Variants in PLCE1 observed in about 807,000 individuals in gnomAD.
PLCE1 encodes the protein 1-phosphatidylinositol 4,5-bisphosphate phosphodiesterase epsilon-1.
PLCE1 carries 119 observed loss-of-function variants against 242.8 expected under a neutral mutation model. That is an observed-to-expected ratio of 0.49 (90% CI 0.42 to 0.57). The LOEUF (loss-of-function observed/expected upper bound fraction) is 0.57. Ranked by LOEUF, PLCE1 falls within the 20% of genes least tolerant of loss-of-function variation. The pLI, the probability that PLCE1 is intolerant of heterozygous loss-of-function variation, is 0.00. For missense variants in PLCE1, 2,441 were observed against 2,788.8 expected, an observed-to-expected ratio of 0.88 and a Z score of 2.81; for synonymous variants, 945 against 1,017.4, an observed-to-expected ratio of 0.93 and a Z score of 1.35.
At chr10:94,052,427 A>G (rs2043791519) in intron 2 of PLCE1, among the ~76,000 whole-genome samples, 1 of 152,236 alleles carries the variant, frequency 6.6e-6, no homozygotes, top group South Asian at 2.1e-4. Context: ...GTGTCCTCGC[A>G]GTAGATAAAT....
chr10:94,155,968 G>A (rs982655009), intron 3 of PLCE1, among the ~76,000 whole-genome samples: 8 of 151,824 alleles, frequency 5.3e-5, no homozygotes, highest in African/African-American at 1.7e-4. Flanking sequence ...TAAATGTTAC[G>A]GTATGTGAAT....
At position 94,254,912 on chromosome 10, in the gene PLCE1, C is replaced by T; in HGVS notation, c.3417C>T (p.Asn1139=). 1 of 1,614,132 alleles carries T rather than the reference C, an allele frequency of 6.2e-7. No individual in the cohort carries two copies. Among genetic ancestry groups the T allele is most frequent in the Non-Finnish European group, 8.5e-7 (1 of 1,179,978 alleles). The change falls in exon 11 of 33, where the codon AAC becomes AAT. Residue 1139 remains asparagine (N), a synonymous_variant. Transcript: ENST00000371380. ...QEESEVNAIA[N]PPNPLPSRRA... ...TCACAGAGGTGAATGCCATCGCTAA[C>T]CCTCCAAACCCCCTCCCTTCCAGAA...
intron 2 of PLCE1, among the ~76,000 whole-genome samples, chr10:94,040,476 G>A (rs771969271): frequency 6.6e-6 from 1 of 152,182 alleles, no homozygotes; most frequent in Non-Finnish European, 1.5e-5. Flanking sequence ...TGATGGTTGA[G>A]GAAGAGGTCG....
intron 1 of PLCE1, among the ~76,000 whole-genome samples, chr10:94,018,975 A>C (rs1420021499): frequency 2.6e-5 from 4 of 152,192 alleles, no homozygotes; most frequent in Non-Finnish European, 4.4e-5. Context: ...AAAGAAATAG[A>C]CATAGTCCTA....
chr10:94,060,728 T>C (rs2044030464), intron 2 of PLCE1, among the ~76,000 whole-genome samples: 1 of 151,258 alleles, frequency 6.6e-6, no homozygotes, highest in African/African-American at 2.4e-5. Flanking sequence ...AGTCTCACTC[T>C]GTCACTCAGG....
In PLCE1 at chr10:94,331,298, A is replaced by G. The variant is rs900451312; in HGVS notation, c.*3355A>G. The G allele has an allele frequency of 3.9e-5, 6 of 152,270 alleles. No homozygotes were observed. Among genetic ancestry groups the G allele is most frequent in the Middle Eastern group, 3.4e-3 (1 of 294 alleles). 9.4% of individuals were successfully genotyped at this position (152,270 alleles called of 1,614,324 possible). ...TTAATGAAAGTGGGCCCTCTATGATATGTATCAATTTACCTTTTGCTAACT... is the reference window on the plus strand; with the variant it reads ...TTAATGAAAGTGGGCCCTCTATGATGTGTATCAATTTACCTTTTGCTAACT... On this transcript the variant is annotated 3_prime_UTR_variant, in exon 33 of 33. Coordinates refer to ENST00000371380, the MANE Select transcript of PLCE1 (RefSeq NM_016341.4).
chr10:94,186,716 A>G (rs1232547765), intron 4 of PLCE1, among the ~76,000 whole-genome samples: 1 of 152,220 alleles, frequency 6.6e-6, no homozygotes, highest in African/African-American at 2.4e-5. Context: ...ATGTTTCTCC[A>G]TTTTGTGTCT....
rs201028754 is a variant in PLCE1, at chr10:94,236,065, C to T, written c.2365C>T (p.Pro789Ser). The T allele has an allele frequency of 6.2e-7, 1 of 1,613,926 alleles. No homozygotes were observed. The highest frequency in any genetic ancestry group is 8.5e-7 in the Non-Finnish European group (1 of 1,179,962). The change falls in exon 7 of 33, where the codon CCC becomes TCC. Residue 789 changes from proline to serine, a missense_variant. Around this residue, in one of 5 missense-constraint regions of PLCE1, gnomAD observed 733 missense variants for 754.2 expected, o/e 0.97. Transcript: ENST00000371380. ...RSLETDEEDS[P>S]SEGNSSRKSS... Reference sequence around the variant, plus strand: ...TCTGGAGACAGACGAGGAGGACAGCCCCAGTGAAGGAAACAGCTCCAGGAA... The same window carrying T: ...TCTGGAGACAGACGAGGAGGACAGCTCCAGTGAAGGAAACAGCTCCAGGAA...
At chr10:94,232,306 A>G (rs1033461136) in intron 5 of PLCE1, among the ~76,000 whole-genome samples, 5 of 152,328 alleles carry the variant, frequency 3.3e-5, no homozygotes, top group African/African-American at 1.2e-4. Context: ...CAAAATTTTA[A>G]TATCTCATTC....
At chr10:94,193,667 A>G (rs947167229) in intron 4 of PLCE1, among the ~76,000 whole-genome samples, 8 of 152,230 alleles carry the variant, frequency 5.3e-5, no homozygotes, top group Non-Finnish European at 8.8e-5. Flanking sequence ...CAATCCTAAC[A>G]AAAATACTGA....
At chr10:94,166,283 A>C (rs1420182520) in intron 3 of PLCE1, among the ~76,000 whole-genome samples, 2 of 152,190 alleles carry the variant, frequency 1.3e-5, no homozygotes, top group Non-Finnish European at 2.9e-5. Flanking sequence ...TTTCTGTTGG[A>C]TAATATCCTA....
chr10:94,148,332 G>T (rs756048368), intron 3 of PLCE1, among the ~76,000 whole-genome samples: 39 of 152,162 alleles, frequency 2.6e-4, no homozygotes, highest in Non-Finnish European at 5.4e-4. Flanking sequence ...CATACAGGGG[G>T]CCTTGAGAAA....
At chr10:94,195,322 G>A (rs978132082) in intron 4 of PLCE1, among the ~76,000 whole-genome samples, 8 of 152,042 alleles carry the variant, frequency 5.3e-5, no homozygotes, top group Admixed American at 1.3e-4. Context: ...GGGCTGGTCC[G>A]GATTTCTAAT....
chr10:94,208,545 C>G (rs1019523994), intron 4 of PLCE1, among the ~76,000 whole-genome samples: 1 of 152,230 alleles, frequency 6.6e-6, no homozygotes, highest in African/African-American at 2.4e-5. Flanking sequence ...CTCCTACCCC[C>G]ACCCACTGAA....
intron 4 of PLCE1, among the ~76,000 whole-genome samples, chr10:94,212,839 A>G (rs1051313988): frequency 3.9e-5 from 6 of 152,226 alleles, no homozygotes; most frequent in African/African-American, 1.4e-4. Flanking sequence ...CACTTTCCAG[A>G]ATATTTATTG....
intron 3 of PLCE1, among the ~76,000 whole-genome samples, chr10:94,143,217 T>G (rs1040889996): frequency 1.3e-5 from 2 of 152,174 alleles, no homozygotes; most frequent in Non-Finnish European, 2.9e-5. Flanking sequence ...TTTTACTTAA[T>G]TCTCTGCTGA....
At chr10:94,121,180 G>C (rs187365351) in intron 2 of PLCE1, 4 of 152,396 alleles carry the variant, frequency 2.6e-5, no homozygotes, top group Non-Finnish European at 5.9e-5. Flanking sequence ...GAGTTGAGCT[G>C]TTTATGGAGC....
At chr10:94,078,245 C>T (rs1369466199) in intron 2 of PLCE1, among the ~76,000 whole-genome samples, 1 of 152,132 alleles carries the variant, frequency 6.6e-6, no homozygotes, top group African/African-American at 2.4e-5. Context: ...AGAATGGCAG[C>T]CTCGGGAATT....
intron 3 of PLCE1, among the ~76,000 whole-genome samples, chr10:94,133,927 C>T (rs1478448626): frequency 6.6e-6 from 1 of 152,062 alleles, no homozygotes; most frequent in Non-Finnish European, 1.5e-5. Context: ...TGATGTGGCA[C>T]CTAGAGAGTA....
Sources: gnomAD v4.1 joint callset for allele counts (sites outside exome capture counted in the v4.1 genomes callset) on GRCh38, gnomAD v4.1.1 for gene constraint, gnomAD v4.1.1 regional missense constraint, MANE v1.5 for transcripts, NCBI Gene and HGNC (gene_info 2026-07-23, HGNC 2026-07-21) for gene names.